Variants in CHODL observed in about 807,000 individuals in gnomAD.
The protein encoded by CHODL is chondrolectin.
CHODL carries 29 observed loss-of-function variants against 34.5 expected under a neutral mutation model. That is an observed-to-expected ratio of 0.84 (90% CI 0.63 to 1.15). CHODL has a LOEUF of 1.15. CHODL is among the 50% of genes most tolerant of loss of function. The probability of loss-of-function intolerance (pLI) is 0.00; values close to 1 mark genes in which losing one functional copy is unlikely to be tolerated. For synonymous variants in CHODL, 125 were observed against 116.1 expected (o/e 1.08, Z -0.49); for missense variants, 332 against 332.5 (o/e 1.00, Z 0.01).
At chr21:18,133,104 G>C (rs2072676947) in intron 2 of CHODL, among the ~76,000 whole-genome samples, 1 of 151,760 alleles carries the variant, frequency 6.6e-6, no homozygotes, top group South Asian at 2.1e-4. Flanking sequence ...ACTTGCTTTG[G>C]CTATTGAAAT....
intron 2 of CHODL, among the ~76,000 whole-genome samples, chr21:18,064,053 T>C (rs1856298122): frequency 6.6e-6 from 1 of 152,204 alleles, no homozygotes; most frequent in Admixed American, 6.5e-5. Context: ...TCTTCACTTC[T>C]AAGAATCCTT....
At chr21:18,066,801 A>T (rs1327068961) in intron 2 of CHODL, among the ~76,000 whole-genome samples, 1 of 152,180 alleles carries the variant, frequency 6.6e-6, no homozygotes, top group East Asian at 1.9e-4. Context: ...TCTAACTGGT[A>T]TCCTTATAAG....
rs142518180 is a variant in CHODL at position 17,925,801 on chromosome 21, A to G, written c.-145+8401A>G. ...TCTGAGTTCCTTTGAGTAAATGACT[A>G]TTCCATGTTGGTTGTCCAGAAAGGT... is the stretch of plus-strand genomic sequence containing the variant. On this transcript the variant is annotated intron_variant, in intron 1 of 6. Transcript: ENST00000400127. 3.5e-3 allele frequency among the ~76,000 whole-genome samples: 533 copies of G among 152,348 alleles called. 3 individuals are homozygous for G. Among genetic ancestry groups the G allele is most frequent in the African/African-American group, 0.012 (479 of 41,578 alleles).
chr21:18,131,361 G>A (rs11909334), intron 2 of CHODL, among the ~76,000 whole-genome samples: 1,755 of 152,068 alleles, frequency 0.012, 22 homozygotes, highest in African/African-American at 0.037. Flanking sequence ...GGTAGAAAAC[G>A]TTTCATAAAT....
intron 1 of CHODL, among the ~76,000 whole-genome samples, chr21:18,000,929 CA>C (rs1253233018): frequency 3.3e-5 from 5 of 151,956 alleles, no homozygotes; most frequent in Non-Finnish European, 5.9e-5. Flanking sequence ...TTCCGAAAAA[CA>C]GACTGCAACT....
At chr21:18,252,368 T>C (rs1474885799) in intron 1 of CHODL, among the ~76,000 whole-genome samples, 2 of 152,156 alleles carry the variant, frequency 1.3e-5, no homozygotes, top group African/African-American at 4.8e-5. Context: ...CGAGAGGTAA[T>C]TGTAATTGTT....
intron 2 of CHODL, among the ~76,000 whole-genome samples, chr21:18,075,617 T>C (rs1185076723): frequency 2.0e-5 from 3 of 152,166 alleles, no homozygotes; most frequent in Admixed American, 6.6e-5. Flanking sequence ...AACTGGTACA[T>C]GGTATTTAAT....
intron 2 of CHODL, among the ~76,000 whole-genome samples, chr21:18,096,932 CTGTT>C (rs1310935189): frequency 6.6e-6 from 1 of 152,076 alleles, no homozygotes; most frequent in African/African-American, 2.4e-5. Context: ...TAAAATTTCT[CTGTT>C]TGTGCTCTTT....
chr21:17,926,067 A>G (rs1452369769), intron 1 of CHODL, among the ~76,000 whole-genome samples: 1 of 152,216 alleles, frequency 6.6e-6, no homozygotes, highest in East Asian at 1.9e-4. Flanking sequence ...AGGTGTAATG[A>G]TTCTTGTCTT....
At chr21:17,988,854 A>C (rs2063775505) in intron 1 of CHODL, among the ~76,000 whole-genome samples, 2 of 151,984 alleles carry the variant, frequency 1.3e-5, no homozygotes, top group Admixed American at 6.6e-5. Context: ...TGCCGCAATA[A>C]ACATACATGT....
intron 2 of CHODL, among the ~76,000 whole-genome samples, chr21:18,058,350 G>T (rs1409992713): frequency 6.6e-6 from 1 of 152,096 alleles, no homozygotes; most frequent in Non-Finnish European, 1.5e-5. Flanking sequence ...CAACTATTAG[G>T]TGTTTAACCA....
intron 2 of CHODL, among the ~76,000 whole-genome samples, chr21:18,082,694 C>T (rs2064956816): frequency 6.6e-6 from 1 of 152,134 alleles, no homozygotes; most frequent in Admixed American, 6.5e-5. Context: ...TGGCATTTTG[C>T]TCCTGCTGTA....
Position 18,091,594 on chromosome 21 carries a change from C to T in CHODL, c.-45+63623C>T, listed in dbSNP as rs142639576. On this transcript the variant is annotated intron_variant, in intron 2 of 6. Transcript: ENST00000400127. ...TCTCCAAACCCTAGCTCCCAGACAA[C>T]GTGCATCTTAGATACCACCTCAACC... Among the ~76,000 whole-genome samples, 211 of 152,270 alleles carry T rather than the reference C, an allele frequency of 1.4e-3. 2 individuals carry two copies. The highest frequency in any genetic ancestry group is 4.6e-3 in the African/African-American group (191 of 41,570).
intron 1 of CHODL, among the ~76,000 whole-genome samples, chr21:17,973,000 C>CT (rs2063628497): frequency 6.6e-6 from 1 of 152,102 alleles, no homozygotes; most frequent in African/African-American, 2.4e-5. Context: ...TATCTACCAC[C>CT]ATCTGATCTT....
chr21:18,070,050 C>T (rs948919144), intron 2 of CHODL, among the ~76,000 whole-genome samples: 2 of 126,778 alleles, frequency 1.6e-5, no homozygotes, highest in African/African-American at 6.7e-5. Flanking sequence ...ATTTCCTTTG[C>T]TTTCCTGTTT....
chr21:17,997,580 A>C (rs2063862495), intron 1 of CHODL, among the ~76,000 whole-genome samples: 1 of 152,198 alleles, frequency 6.6e-6, no homozygotes, highest in African/African-American at 2.4e-5. Flanking sequence ...AGAAGAAAAA[A>C]AGGTTTAGTT....
At chr21:18,092,436 C>T (rs917955353) in intron 2 of CHODL, among the ~76,000 whole-genome samples, 2 of 152,170 alleles carry the variant, frequency 1.3e-5, no homozygotes, top group Admixed American at 1.3e-4. Context: ...AGAATATATA[C>T]AAGTATCAAA....
upstream of CHODL, among the ~76,000 whole-genome samples, chr21:18,240,612 T>G (rs984184678): frequency 1.3e-5 from 2 of 152,196 alleles, no homozygotes; most frequent in African/African-American, 2.4e-5. Context: ...TTTGTTTGGT[T>G]GTATTAACAT....
At chr21:18,265,814 T>G in intron 5 of CHODL, 140 bp from the exon 6 acceptor site, 1 of 607,682 alleles carries the variant, frequency 1.6e-6, no homozygotes, top group Non-Finnish European at 2.7e-6. Flanking sequence ...ATCTAGAAGT[T>G]TTTGGAAGAA....
Sources: allele counts gnomAD v4.1 joint callset (sites outside exome capture counted in the v4.1 genomes callset), GRCh38; gene constraint gnomAD v4.1.1; transcripts MANE v1.5; gene names NCBI Gene and HGNC (gene_info 2026-07-23, HGNC 2026-07-21).